Variants in KPNA1 observed in about 807,000 individuals in gnomAD.
KPNA1 encodes karyopherin subunit alpha 1.
KPNA1 carries 10 observed loss-of-function variants against 70.5 expected under a neutral mutation model. The observed-to-expected ratio is 0.14, with a 90% CI of 0.09 to 0.24. The LOEUF (loss-of-function observed/expected upper bound fraction) is 0.24. Among genes scored for constraint, KPNA1 ranks in the 10% least tolerant of loss-of-function variants. The pLI, the probability that KPNA1 is intolerant of heterozygous loss-of-function variation, is 1.00. For synonymous variants in KPNA1, 192 were observed against 221.9 expected (o/e 0.87, Z 1.20); for missense variants, 397 against 637.9 (o/e 0.62, Z 4.07).
Position 122,427,682 on chromosome 3 carries a change from A to C in KPNA1, c.1285T>G (p.Cys429Gly). The part of the protein sequence containing the change: ...LVELGCIKPL[C>G]DLLTVMDSKI... ...GAGTCCATGACCGTGAGGAGATCACAGAGCGGCTTGATACAACCCAGTTCT... is the reference window on the plus strand; with the variant it reads ...GAGTCCATGACCGTGAGGAGATCACCGAGCGGCTTGATACAACCCAGTTCT... Residue 429 changes from cysteine (C) to glycine (G), a missense_variant, in exon 13 of 14, where the codon TGT becomes GGT. Coordinates refer to ENST00000344337, the MANE Select transcript of KPNA1 (RefSeq NM_002264.4). 6.2e-7 allele frequency: 1 copy of C among 1,611,854 alleles called. No homozygotes were observed.
chr3:122,498,150 T>C (rs1012443568), intron 1 of KPNA1, among the ~76,000 whole-genome samples: 3 of 152,224 alleles, frequency 2.0e-5, no homozygotes, highest in African/African-American at 7.2e-5. Flanking sequence ...CTCCACAGAA[T>C]GGTCTTGGCA....
At chr3:122,476,549 A>C (rs1183660872) in intron 2 of KPNA1, among the ~76,000 whole-genome samples, 2 of 152,192 alleles carry the variant, frequency 1.3e-5, no homozygotes, top group Non-Finnish European at 2.9e-5. Context: ...AAAATATATA[A>C]GGAACTCAAA....
rs574074426 is a variant in KPNA1, at chr3:122,485,813, T to C, written c.129+10624A>G. 2.6e-5 allele frequency among the ~76,000 whole-genome samples: 4 copies of C among 152,278 alleles called. No homozygotes were observed. The South Asian group carries it at 8.3e-4, about 32-fold the overall frequency. Reference sequence around the variant, plus strand: ...TAAATGTTCGCACCACAAAGAAGTATATAAGATGATAAATATACATAATTA... The same window carrying C: ...TAAATGTTCGCACCACAAAGAAGTACATAAGATGATAAATATACATAATTA... On this transcript the variant is annotated intron_variant, in intron 2 of 13. Coordinates refer to ENST00000344337, the MANE Select transcript of KPNA1 (RefSeq NM_002264.4).
At position 122,436,545 on chromosome 3, in the gene KPNA1, G is replaced by A. The variant is rs140292471; in HGVS notation, c.1122+625C>T. 2.9e-3 allele frequency among the ~76,000 whole-genome samples: 438 copies of A among 152,224 alleles called. 4 individuals are homozygous for A. The highest frequency in any genetic ancestry group is 9.4e-3 in the African/African-American group (390 of 41,530). On this transcript the variant is annotated intron_variant, in intron 11 of 13. Transcript: ENST00000344337. Reference sequence around the variant, plus strand: ...TTTCCCTTTATTTCTCAGACCGGCCGACACTTAGGGAAAACAGAAAAGAAC... The same window carrying A: ...TTTCCCTTTATTTCTCAGACCGGCCAACACTTAGGGAAAACAGAAAAGAAC...
intron 5 of KPNA1, among the ~76,000 whole-genome samples, chr3:122,454,814 A>AT (rs1412119700): frequency 3.9e-5 from 6 of 152,232 alleles, no homozygotes; most frequent in African/African-American, 1.4e-4. Flanking sequence ...AAAGGTTGAT[A>AT]TATAGCATTA....
chr3:122,498,954 T>G (rs1457341462), intron 1 of KPNA1, among the ~76,000 whole-genome samples: 1 of 152,362 alleles, frequency 6.6e-6, no homozygotes. Flanking sequence ...TTTATACTTT[T>G]GTTAAATTCA....
intron 1 of KPNA1, among the ~76,000 whole-genome samples, chr3:122,504,766 TACTTCAATGG>T (rs2076871235): frequency 1.3e-5 from 2 of 152,278 alleles, no homozygotes; most frequent in South Asian, 4.1e-4. Flanking sequence ...TTCACTCTAT[TACTTCAATGG>T]ATGCATTTAG....
chr3:122,436,459 G>A (rs771340734), intron 11 of KPNA1, among the ~76,000 whole-genome samples: 12 of 152,310 alleles, frequency 7.9e-5, no homozygotes, highest in South Asian at 2.1e-4. Context: ...GGGGCATCAC[G>A]GAACGTGCCG....
At chr3:122,513,550 C>T (rs1248348948) in intron 1 of KPNA1, among the ~76,000 whole-genome samples, 2 of 152,018 alleles carry the variant, frequency 1.3e-5, no homozygotes, top group African/African-American at 4.8e-5. Flanking sequence ...TTGCTGGTGG[C>T]ATCCGCCTGT....
intron 2 of KPNA1, among the ~76,000 whole-genome samples, chr3:122,468,051 A>G (rs2076400764): frequency 6.6e-6 from 1 of 152,224 alleles, no homozygotes; most frequent in Non-Finnish European, 1.5e-5. Context: ...TCATCAAGCC[A>G]TGATGGAGTA....
chr3:122,489,294 TGTTTG>T (rs2076669609), intron 2 of KPNA1, among the ~76,000 whole-genome samples: 3 of 150,822 alleles, frequency 2.0e-5, no homozygotes, highest in Non-Finnish European at 3.0e-5. Context: ...TGTTTTTTTT[TGTTTG>T]TTTTTTTTTT....
At chr3:122,485,321 G>A (rs1047728415) in intron 2 of KPNA1, among the ~76,000 whole-genome samples, 3 of 152,144 alleles carry the variant, frequency 2.0e-5, no homozygotes, top group Admixed American at 6.5e-5. Context: ...TAGATAAATA[G>A]ACCAATAGAA....
At chr3:122,463,054 C>T (rs2076341787) in intron 4 of KPNA1, among the ~76,000 whole-genome samples, 1 of 151,708 alleles carries the variant, frequency 6.6e-6, no homozygotes, top group Non-Finnish European at 1.5e-5. Context: ...CCTATCTCTA[C>T]TAAAAATACA....
At chr3:122,454,080 C>G in intron 5 of KPNA1, 79 bp from the exon 6 acceptor site, 1 of 978,090 alleles carries the variant, frequency 1.0e-6, no homozygotes, top group South Asian at 1.9e-5. Context: ...ATTTTCTGTA[C>G]ATGAAAAAAA....
intron 2 of KPNA1, among the ~76,000 whole-genome samples, chr3:122,480,451 A>C (rs1411969197): frequency 6.6e-6 from 1 of 151,922 alleles, no homozygotes; most frequent in African/African-American, 2.4e-5. Flanking sequence ...AAAAAAAAAA[A>C]TTAATTAAGG....
At chr3:122,461,126 T>C in intron 5 of KPNA1, 98 bp downstream of exon 5, 1 of 695,876 alleles carries the variant, frequency 1.4e-6, no homozygotes, top group Non-Finnish European at 2.4e-6. Flanking sequence ...ACAAACTTAA[T>C]TCTTCATACA....
intron 1 of KPNA1, among the ~76,000 whole-genome samples, chr3:122,496,992 C>T (rs562869774): frequency 6.6e-6 from 1 of 152,336 alleles, no homozygotes; most frequent in African/African-American, 2.4e-5. Context: ...GCGTGAGCCA[C>T]TTCACCTGGC....
intron 2 of KPNA1, among the ~76,000 whole-genome samples, chr3:122,491,850 A>ATTTTTTTTTT (rs67916227): frequency 1.5e-5 from 1 of 64,826 alleles, no homozygotes; most frequent in African/African-American, 5.7e-5. Flanking sequence ...TGACCATCAC[A>ATTTTTTTTTT]TTTTTTTTTT....
At chr3:122,489,050 T>TTGTG (rs1463392032) in intron 2 of KPNA1, among the ~76,000 whole-genome samples, 1 of 88,792 alleles carries the variant, frequency 1.1e-5, no homozygotes, top group African/African-American at 3.8e-5. Flanking sequence ...GTGGGTTTTT[T>TTGTG]TGCGTGCGTG....
Sources: allele counts gnomAD v4.1 joint callset (sites outside exome capture counted in the v4.1 genomes callset), GRCh38; gene constraint gnomAD v4.1.1; transcripts MANE v1.5; gene names NCBI Gene and HGNC (gene_info 2026-07-23, HGNC 2026-07-21).